ACTR3B: variants seen among roughly 807,000 people sequenced by gnomAD.
ACTR3B encodes actin-related protein 3B.
In ACTR3B, 8 loss-of-function variants were observed where a neutral mutation model predicts 59.0. The ratio of observed to expected loss-of-function variants is 0.14; its 90% confidence interval spans 0.08 to 0.24. The LOEUF is 0.24. Among genes scored for constraint, ACTR3B ranks in the 10% least tolerant of loss-of-function variants. The pLI, the probability that ACTR3B is intolerant of heterozygous loss-of-function variation, is 1.00. For missense variants in ACTR3B, 245 were observed against 552.3 expected, an observed-to-expected ratio of 0.44 and a Z score of 5.58; for synonymous variants, 148 against 197.9, an observed-to-expected ratio of 0.75 and a Z score of 2.12.
intron 2 of ACTR3B, among the ~76,000 whole-genome samples, chr7:152,796,303 A>G (rs139320701): frequency 0.012 from 1,846 of 152,258 alleles, 32 homozygotes; most frequent in African/African-American, 0.043. Flanking sequence ...TTTCTTTAGA[A>G]TGAAATTCTA....
At chr7:152,807,930 C>G (rs1368948886) in intron 4 of ACTR3B, among the ~76,000 whole-genome samples, 1 of 152,196 alleles carries the variant, frequency 6.6e-6, no homozygotes. Flanking sequence ...GAATGTGCAG[C>G]TTGGTGGCAT....
chr7:152,764,352 A>C (rs1481478834), intron 1 of ACTR3B, among the ~76,000 whole-genome samples: 1 of 152,088 alleles, frequency 6.6e-6, no homozygotes, highest in Non-Finnish European at 1.5e-5. Context: ...CATTCTGGCC[A>C]GGCGCAGTGG....
chr7:152,782,618 T>C (rs1274173471), intron 1 of ACTR3B, among the ~76,000 whole-genome samples: 1 of 151,912 alleles, frequency 6.6e-6, no homozygotes, highest in Admixed American at 6.6e-5. Context: ...CTTAGACATA[T>C]GCCATGACAT....
intron 1 of ACTR3B, among the ~76,000 whole-genome samples, chr7:152,765,831 G>C (rs891045686): frequency 6.6e-6 from 1 of 152,074 alleles, no homozygotes; most frequent in Non-Finnish European, 1.5e-5. Flanking sequence ...AGGCTGCAGA[G>C]TCTTAGAGCA....
intron 1 of ACTR3B, among the ~76,000 whole-genome samples, chr7:152,777,140 C>T (rs1222977847): frequency 6.6e-6 from 1 of 152,100 alleles, no homozygotes; most frequent in Non-Finnish European, 1.5e-5. Context: ...TAATGTGACC[C>T]TTTATAATGG....
At chr7:152,847,981 G>A (rs1798493198) in intron 9 of ACTR3B, among the ~76,000 whole-genome samples, 1 of 152,236 alleles carries the variant, frequency 6.6e-6, no homozygotes, top group Non-Finnish European at 1.5e-5. Flanking sequence ...CTGAAGGAAT[G>A]CTGAGCAGAC....
intron 2 of ACTR3B, among the ~76,000 whole-genome samples, chr7:152,787,321 C>T (rs2098177867): frequency 6.6e-6 from 1 of 152,102 alleles, no homozygotes. Context: ...GCCCATTTTT[C>T]TATTGCATTT....
intron 9 of ACTR3B, among the ~76,000 whole-genome samples, chr7:152,851,018 A>T (rs1798758911): frequency 6.6e-6 from 1 of 152,158 alleles, no homozygotes; most frequent in Non-Finnish European, 1.5e-5. Context: ...CAATCAGGAG[A>T]TACACTAGTC....
rs142977818 is a variant in ACTR3B, at chr7:152,787,760, T to C, written c.100+4518T>C. Reference sequence around the variant, plus strand: ...ATTTATCTGTGTTCCGTACGTTCCATACTCACAGTGTTAAACACTATTACT... The same window carrying C: ...ATTTATCTGTGTTCCGTACGTTCCACACTCACAGTGTTAAACACTATTACT... On this transcript the variant is annotated intron_variant, in intron 2 of 11. Coordinates refer to ENST00000256001, the MANE Select transcript of ACTR3B (RefSeq NM_020445.6). Among the ~76,000 whole-genome samples the C allele has an allele frequency of 4.5e-4, 68 of 152,256 alleles. 1 individual carries two copies. Among genetic ancestry groups the C allele is most frequent in the African/African-American group, 1.5e-3 (64 of 41,560 alleles).
chr7:152,798,401 GTT>G (rs2098224563), intron 2 of ACTR3B, among the ~76,000 whole-genome samples: 1 of 151,934 alleles, frequency 6.6e-6, no homozygotes, highest in Non-Finnish European at 1.5e-5. Context: ...TTTTATTGCT[GTT>G]TGAGTTCTTT....
At chr7:152,845,588 C>T (rs556695230) in intron 9 of ACTR3B, among the ~76,000 whole-genome samples, 2 of 152,188 alleles carry the variant, frequency 1.3e-5, no homozygotes, top group African/African-American at 4.8e-5. Flanking sequence ...CGAATGAGGG[C>T]TGTTTGGCCT....
At chr7:152,760,147 G>T (rs1442361674) in intron 1 of ACTR3B, among the ~76,000 whole-genome samples, 1 of 152,198 alleles carries the variant, frequency 6.6e-6, no homozygotes, top group African/African-American at 2.4e-5. Flanking sequence ...GAAAAGCACG[G>T]AGGGTAGGGA....
chr7:152,851,718 C>T (rs895171556), intron 9 of ACTR3B, among the ~76,000 whole-genome samples: 1 of 152,162 alleles, frequency 6.6e-6, no homozygotes, highest in African/African-American at 2.4e-5. Flanking sequence ...TTCTGAGAAG[C>T]TTCAAGCACC....
chr7:152,816,276 T>A (rs1795686609), intron 5 of ACTR3B, among the ~76,000 whole-genome samples: 1 of 152,054 alleles, frequency 6.6e-6, no homozygotes, highest in Admixed American at 6.6e-5. Flanking sequence ...TTGACTCCTA[T>A]AGTTGTAAGT....
intron 7 of ACTR3B, among the ~76,000 whole-genome samples, chr7:152,822,554 T>G (rs930588350): frequency 8.5e-5 from 13 of 152,372 alleles, no homozygotes; most frequent in Admixed American, 7.8e-4. Flanking sequence ...CACCTGACTC[T>G]GCTTTTCCTT....
chr7:152,778,032 A>G (rs2098140633), intron 1 of ACTR3B, among the ~76,000 whole-genome samples: 1 of 151,910 alleles, frequency 6.6e-6, no homozygotes, highest in African/African-American at 2.4e-5. Flanking sequence ...TTGATTTGTA[A>G]TATCTAATTC....
intron 4 of ACTR3B, among the ~76,000 whole-genome samples, chr7:152,809,732 G>A (rs556972722): frequency 6.6e-6 from 1 of 151,974 alleles, no homozygotes; most frequent in African/African-American, 2.4e-5. Context: ...TAGTAGAGAC[G>A]GGGTTTCACT....
rs1017024794 is a variant in ACTR3B, at chr7:152,854,694, C to T, written c.*141C>T. The T allele has an allele frequency of 4.3e-5, 34 of 789,270 alleles. No individual in the cohort carries two copies. The highest frequency in any genetic ancestry group is 6.1e-5 in the Non-Finnish European group (30 of 492,944). 48.9% of individuals were successfully genotyped at this position (789,270 alleles called of 1,614,324 possible). A position where few individuals can be genotyped will look rare whatever the true frequency, so the allele number is the denominator to read the frequency against. ...GCTTGCATTGCCGGTGCATGAGGCGCGGCGCGGGCCCTTCAGTAAAAGCCA... is the reference window on the plus strand; with the variant it reads ...GCTTGCATTGCCGGTGCATGAGGCGTGGCGCGGGCCCTTCAGTAAAAGCCA... On this transcript the variant is annotated 3_prime_UTR_variant, in exon 12 of 12. Coordinates refer to ENST00000256001, the MANE Select transcript of ACTR3B (RefSeq NM_020445.6). The surrounding 1 kb of genome is among the most constrained non-coding windows in gnomAD (Gnocchi z 4.9).
intron 4 of ACTR3B, among the ~76,000 whole-genome samples, chr7:152,808,860 A>T (rs1043394329): frequency 7.2e-5 from 11 of 152,142 alleles, no homozygotes; most frequent in Non-Finnish European, 1.5e-4. Context: ...GTATTAACTC[A>T]TTTTTTAATG....
Sources: allele counts gnomAD v4.1 joint callset (sites outside exome capture counted in the v4.1 genomes callset), GRCh38; gene constraint gnomAD v4.1.1; non-coding constraint Gnocchi (gnomAD v3.1); transcripts MANE v1.5; gene names NCBI Gene and HGNC (gene_info 2026-07-23, HGNC 2026-07-21).